Variants in RFX4 observed in about 807,000 individuals in gnomAD.
RFX4 encodes the protein regulatory factor X4, also known as transcription factor RFX4.
A neutral mutation model predicts 95.0 loss-of-function variants in RFX4; 10 were observed. The ratio of observed to expected loss-of-function variants is 0.11; its 90% CI spans 0.06 to 0.18. The LOEUF (loss-of-function observed/expected upper bound fraction) is 0.18. Ranked by LOEUF, RFX4 falls within the 10% of genes least tolerant of loss-of-function variation. RFX4 has a pLI of 1.00. For synonymous variants in RFX4, 321 were observed against 340.7 expected, an observed-to-expected ratio of 0.94 and a Z score of 0.64; for missense variants, 640 against 922.0, an observed-to-expected ratio of 0.69 and a Z score of 3.96.
chr12:106,654,187 A>G, intron 3 of RFX4, 41 bp from the exon 4 acceptor site: 1 of 1,613,172 alleles, frequency 6.2e-7, no homozygotes, highest in Non-Finnish European at 8.5e-7. Flanking sequence ...TGCTTGGGGA[A>G]GGTAACACAT....
At chr12:106,604,687 T>TA (rs2039788259) in intron 1 of RFX4, among the ~76,000 whole-genome samples, 1 of 152,128 alleles carries the variant, frequency 6.6e-6, no homozygotes, top group African/African-American at 2.4e-5. Flanking sequence ...ACAGTACTAG[T>TA]AGAGAGTCAA....
At chr12:106,598,987 G>C (rs1313478990) in intron 1 of RFX4, among the ~76,000 whole-genome samples, 5 of 152,272 alleles carry the variant, frequency 3.3e-5, no homozygotes, top group South Asian at 4.2e-4. Context: ...GTACATTAAT[G>C]CTAGTGTTCC....
intron 2 of RFX4, among the ~76,000 whole-genome samples, chr12:106,631,572 G>T (rs1481830737): frequency 6.6e-6 from 1 of 152,192 alleles, no homozygotes; most frequent in Non-Finnish European, 1.5e-5. Context: ...AGAGGCCCCA[G>T]AGAGCTCCCT....
intron 3 of RFX4, among the ~76,000 whole-genome samples, chr12:106,651,520 TC>T (rs1419304937): frequency 6.6e-6 from 1 of 152,202 alleles, no homozygotes; most frequent in Non-Finnish European, 1.5e-5. Context: ...CATCTACACA[TC>T]AATCTCTCTG....
rs1010397818 is a variant in RFX4, at chr12:106,720,651, T to A, written c.1234-108T>A. ...ATCCGCCCACCTTGGCCTCCCAAAG[T>A]GCTGGGATTACAGGCGTGAGCCACT... On this transcript the variant is annotated intron_variant, in intron 12 of 17. Coordinates refer to ENST00000392842, the MANE Select transcript of RFX4 (RefSeq NM_213594.3). The surrounding 1 kb of genome is among the most constrained non-coding windows in gnomAD (Gnocchi z 4.2). 1 of 1,076,736 alleles carries A rather than the reference T, an allele frequency of 9.3e-7. No homozygotes were observed. The highest frequency in any genetic ancestry group is 1.6e-5 in the African/African-American group (1 of 64,422). The allele number at this position is 1,076,736 out of a possible 1,614,324, so 66.7% of individuals were successfully genotyped here.
At chr12:106,733,924 A>C (rs750757040) in intron 15 of RFX4, among the ~76,000 whole-genome samples, 2 of 152,246 alleles carry the variant, frequency 1.3e-5, no homozygotes, top group Non-Finnish European at 2.9e-5. Context: ...AAACCACTGA[A>C]GCGTCTTATC....
At chr12:106,699,866 A>G (rs1354850451) in intron 8 of RFX4, among the ~76,000 whole-genome samples, 1 of 152,028 alleles carries the variant, frequency 6.6e-6, no homozygotes. Flanking sequence ...TGGTATGTGT[A>G]GATCTTTATA....
At chr12:106,609,046 T>C (rs2039900588) in intron 2 of RFX4, among the ~76,000 whole-genome samples, 163 bp downstream of exon 2, 2 of 152,134 alleles carry the variant, frequency 1.3e-5, no homozygotes, top group East Asian at 3.9e-4. Flanking sequence ...TATTCCACAA[T>C]GGGGAGAGGA....
chr12:106,696,924 C>T (rs965420217), intron 8 of RFX4, among the ~76,000 whole-genome samples: 6 of 152,194 alleles, frequency 3.9e-5, no homozygotes, highest in South Asian at 2.1e-4. Flanking sequence ...GATGTACTCT[C>T]CACCACACTT....
At chr12:106,646,454 AAAAAAG>A (rs1418137206) in intron 3 of RFX4, among the ~76,000 whole-genome samples, 10 of 144,844 alleles carry the variant, frequency 6.9e-5, no homozygotes, top group Non-Finnish European at 9.2e-5. Flanking sequence ...AAAAAAAAAA[AAAAAAG>A]AGGGGACTTG....
At chr12:106,591,038 G>C (rs911359085) in intron 1 of RFX4, among the ~76,000 whole-genome samples, 2 of 151,992 alleles carry the variant, frequency 1.3e-5, no homozygotes, top group Non-Finnish European at 2.9e-5. Flanking sequence ...TGAGTAAGTG[G>C]CAGAACCAGG....
At chr12:106,588,660 G>A (rs1029024784) in intron 1 of RFX4, among the ~76,000 whole-genome samples, 13 of 152,018 alleles carry the variant, frequency 8.6e-5, no homozygotes, top group Admixed American at 7.2e-4. Flanking sequence ...AAAAGTAATT[G>A]TGGGTTTGCA....
intron 13 of RFX4, among the ~76,000 whole-genome samples, chr12:106,724,029 C>T (rs1479428076): frequency 6.6e-6 from 1 of 152,102 alleles, no homozygotes; most frequent in Non-Finnish European, 1.5e-5. Context: ...GTATTGAGGG[C>T]CGAATATACT....
At chr12:106,758,501 A>C (rs1230197139) in intron 17 of RFX4, among the ~76,000 whole-genome samples, 1 of 152,138 alleles carries the variant, frequency 6.6e-6, no homozygotes, top group Non-Finnish European at 1.5e-5. Flanking sequence ...GTCCTTGACT[A>C]GGCAAAAAAG....
rs143669079 is a variant in RFX4, at chr12:106,628,950, G to T, written c.131-10382G>T. 8.6e-5 allele frequency among the ~76,000 whole-genome samples: 13 copies of T among 151,900 alleles called. No homozygotes were observed. The East Asian group carries it at 2.5e-3, about 30-fold the overall frequency. ...AATTTTTGTGTTTTTGTAGAGGCAA[G>T]GTCTTGCCGTGTTGGTTAGGCTGGT... On this transcript the variant is annotated intron_variant, in intron 2 of 17. Coordinates refer to ENST00000392842, the MANE Select transcript of RFX4 (RefSeq NM_213594.3).
At chr12:106,652,140 T>C (rs751059058) in intron 3 of RFX4, among the ~76,000 whole-genome samples, 28 of 152,216 alleles carry the variant, frequency 1.8e-4, no homozygotes, top group Non-Finnish European at 3.5e-4. Context: ...AAAACACACT[T>C]AGAATTCCAA....
chr12:106,679,751 G>A (rs540616649), intron 4 of RFX4, among the ~76,000 whole-genome samples: 1 of 152,274 alleles, frequency 6.6e-6, no homozygotes, highest in East Asian at 1.9e-4. Context: ...TCAGTAGTGT[G>A]CCTTTGTGAA....
intron 4 of RFX4, among the ~76,000 whole-genome samples, chr12:106,663,692 GT>G (rs1284067371): frequency 6.7e-6 from 1 of 150,234 alleles, no homozygotes; most frequent in Non-Finnish European, 1.5e-5. Flanking sequence ...TTAGCTGTAG[GT>G]TTTTTGTAGA....
At chr12:106,744,788 AC>A (rs1408806314) in intron 15 of RFX4, among the ~76,000 whole-genome samples, 1 of 152,120 alleles carries the variant, frequency 6.6e-6, no homozygotes, top group Non-Finnish European at 1.5e-5. Flanking sequence ...TCACTCTGGG[AC>A]CTTGCGCAAG....
Sources: allele counts gnomAD v4.1 joint callset (sites outside exome capture counted in the v4.1 genomes callset), GRCh38; gene constraint gnomAD v4.1.1; non-coding constraint Gnocchi (gnomAD v3.1); transcripts MANE v1.5; gene names NCBI Gene and HGNC (gene_info 2026-07-23, HGNC 2026-07-21).